The following CACNG3 variants were observed in gnomAD, a reference collection of about 807,000 sequenced individuals.
CACNG3 encodes calcium voltage-gated channel auxiliary subunit gamma 3.
CACNG3 carries 3 observed loss-of-function variants against 28.5 expected under a neutral mutation model. The observed-to-expected ratio is 0.11, with a 90% CI of 0.05 to 0.27. The LOEUF (loss-of-function observed/expected upper bound fraction) is 0.27, where lower values mean the gene tolerates loss of function less well. Ranked by LOEUF, CACNG3 falls within the 10% of genes least tolerant of loss-of-function variation. The pLI is 1.00. For missense variants in CACNG3, 236 were observed against 414.4 expected (o/e 0.57, Z 3.74); for synonymous variants, 174 against 162.2 (o/e 1.07, Z -0.55).
intron 1 of CACNG3, among the ~76,000 whole-genome samples, chr16:24,336,180 G>T (rs940770180): frequency 1.3e-5 from 2 of 151,522 alleles, no homozygotes; most frequent in Admixed American, 6.6e-5. Flanking sequence ...AGCCGAGATT[G>T]CACCACTGCA....
chr16:24,265,085 CA>C (rs1188373167), intron 1 of CACNG3, among the ~76,000 whole-genome samples: 1 of 151,918 alleles, frequency 6.6e-6, no homozygotes, highest in East Asian at 1.9e-4. Flanking sequence ...ACAAAAAATA[CA>C]AAAAAGTTAG....
At chr16:24,318,752 G>C (rs1395424551) in intron 1 of CACNG3, among the ~76,000 whole-genome samples, 1 of 152,118 alleles carries the variant, frequency 6.6e-6, no homozygotes, top group East Asian at 1.9e-4. Flanking sequence ...CCAGAGGAAG[G>C]GCAGCTGTTA....
intron 1 of CACNG3, among the ~76,000 whole-genome samples, chr16:24,290,274 T>C (rs535018972): frequency 6.6e-6 from 1 of 152,286 alleles, no homozygotes; most frequent in South Asian, 2.1e-4. Context: ...AATTTCTAAA[T>C]TGGACTAAGG....
chr16:24,294,288 G>A (rs1300263609), intron 1 of CACNG3, among the ~76,000 whole-genome samples: 14 of 152,168 alleles, frequency 9.2e-5, no homozygotes, highest in Admixed American at 2.6e-4. Context: ...AGAAATCCCC[G>A]AATCAGCCAA....
chr16:24,274,651 C>T (rs1272231736), intron 1 of CACNG3, among the ~76,000 whole-genome samples: 2 of 152,134 alleles, frequency 1.3e-5, no homozygotes, highest in African/African-American at 4.8e-5. Flanking sequence ...AATCTTGGGC[C>T]TGACTTCATA....
chr16:24,358,626 C>G (rs1186710505), intron 3 of CACNG3, among the ~76,000 whole-genome samples: 2 of 152,192 alleles, frequency 1.3e-5, no homozygotes, highest in East Asian at 3.8e-4. Context: ...TAAGCCTAGT[C>G]CCTGCCCTCA....
intron 1 of CACNG3, among the ~76,000 whole-genome samples, chr16:24,288,122 A>G (rs1385164994): frequency 6.6e-6 from 1 of 152,204 alleles, no homozygotes; most frequent in Non-Finnish European, 1.5e-5. Context: ...CATTGTATAG[A>G]AGACAAAAAT....
intron 1 of CACNG3, among the ~76,000 whole-genome samples, chr16:24,324,519 C>T (rs951519115): frequency 3.9e-5 from 6 of 152,144 alleles, no homozygotes; most frequent in African/African-American, 1.4e-4. Context: ...TAGCCAAAGG[C>T]AACAGCTTCT....
At chr16:24,296,670 A>C (rs1899035288) in intron 1 of CACNG3, among the ~76,000 whole-genome samples, 1 of 152,212 alleles carries the variant, frequency 6.6e-6, no homozygotes, top group Non-Finnish European at 1.5e-5. Context: ...TATACATGAC[A>C]ACTACTACTG....
intron 1 of CACNG3, among the ~76,000 whole-genome samples, chr16:24,326,174 C>CTT (rs58752966): frequency 1.1e-4 from 16 of 140,996 alleles, no homozygotes; most frequent in Non-Finnish European, 1.7e-4. Flanking sequence ...TTTCTTTTTT[C>CTT]TTTTTTTTTT....
chr16:24,274,186 CAAA>C (rs72368556), intron 1 of CACNG3, among the ~76,000 whole-genome samples: 1 of 103,532 alleles, frequency 9.7e-6, no homozygotes, highest in African/African-American at 3.8e-5. Flanking sequence ...GACTCCATCT[CAAA>C]AAAAAAAAAA....
chr16:24,300,745 G>A (rs8060410), intron 1 of CACNG3, among the ~76,000 whole-genome samples: 35,895 of 151,754 alleles, frequency 0.24, 4,605 homozygotes, highest in Non-Finnish European at 0.27. Context: ...GCAAAACCCC[G>A]TCTCTACTAA....
At chr16:24,292,824 T>A (rs1898982508) in intron 1 of CACNG3, among the ~76,000 whole-genome samples, 1 of 152,094 alleles carries the variant, frequency 6.6e-6, no homozygotes, top group African/African-American at 2.4e-5. Context: ...AACCAAAAAA[T>A]TATTCTGAAA....
chr16:24,332,962 C>T (rs1456542900), intron 1 of CACNG3, among the ~76,000 whole-genome samples: 2 of 152,018 alleles, frequency 1.3e-5, no homozygotes, highest in Admixed American at 6.6e-5. Context: ...GGGACACAAG[C>T]TAACAATGGA....
At chr16:24,297,314 C>T (rs1899045413) in intron 1 of CACNG3, among the ~76,000 whole-genome samples, 1 of 151,936 alleles carries the variant, frequency 6.6e-6, no homozygotes, top group African/African-American at 2.4e-5. Flanking sequence ...ATACTGATGT[C>T]TGTCCCCCTC....
chr16:24,353,319 G>A (rs903902056), intron 2 of CACNG3, among the ~76,000 whole-genome samples: 21 of 152,210 alleles, frequency 1.4e-4, no homozygotes, highest in African/African-American at 4.8e-4. Context: ...AAATTATGCC[G>A]CTGGTCCTGC....
intron 3 of CACNG3, among the ~76,000 whole-genome samples, chr16:24,355,870 C>G (rs772425924): frequency 7.9e-5 from 12 of 152,150 alleles, no homozygotes; most frequent in Non-Finnish European, 1.5e-4. Context: ...AAGGTAAAGA[C>G]CAGCAGCCCG....
At chr16:24,307,542 TG>T (rs1204586722) in intron 1 of CACNG3, among the ~76,000 whole-genome samples, 1 of 152,160 alleles carries the variant, frequency 6.6e-6, no homozygotes, top group Admixed American at 6.5e-5. Flanking sequence ...TCCTACAACA[TG>T]GGGGTTCTTC....
intron 2 of CACNG3, 134 bp from the exon 3 acceptor site, chr16:24,354,699 T>G: frequency 1.2e-6 from 1 of 839,180 alleles, no homozygotes; most frequent in Non-Finnish European, 1.9e-6. Flanking sequence ...GAGCGCCTGG[T>G]CTCATGCCCG....
Sources: gnomAD v4.1 joint callset for allele counts (sites outside exome capture counted in the v4.1 genomes callset) on GRCh38, gnomAD v4.1.1 for gene constraint, MANE v1.5 for transcripts, NCBI Gene and HGNC (gene_info 2026-07-23, HGNC 2026-07-21) for gene names.